SFMBT1: variants seen among roughly 807,000 people sequenced by gnomAD.
SFMBT1 encodes scm-like with four MBT domains protein 1.
Under a neutral mutation model 108.7 loss-of-function variants are expected in SFMBT1, and 32 were observed. The observed-to-expected ratio is 0.29, with a 90% confidence interval of 0.22 to 0.40. SFMBT1 has a LOEUF of 0.40. Ranked by LOEUF, SFMBT1 falls within the 10% of genes least tolerant of loss-of-function variation. The pLI is 1.00. For synonymous variants in SFMBT1, 348 were observed against 369.5 expected (o/e 0.94, Z 0.67); for missense variants, 816 against 1,059.6 (o/e 0.77, Z 3.19).
chr3:52,999,617 C>T (rs1001340107), intron 1 of SFMBT1, among the ~76,000 whole-genome samples: 1 of 150,180 alleles, frequency 6.7e-6, no homozygotes, highest in African/African-American at 2.4e-5. Context: ...TGTCCTTGCC[C>T]CTAACCACTG....
chr3:52,954,334 A>G lies in SFMBT1; in HGVS notation c.106T>C (p.Tyr36His), dbSNP rs1211624316. The G allele has an allele frequency of 6.2e-7, 1 of 1,613,154 alleles. No individual in the cohort carries two copies. The highest frequency in any genetic ancestry group is 8.5e-7 in the Non-Finnish European group (1 of 1,179,394). Residue 36 changes from tyrosine (Y) to histidine (H), a missense_variant, in exon 3 of 21, where the codon TAT becomes CAT. Tyr to His is a moderately conservative substitution (Grantham distance 83). Coordinates refer to ENST00000394752, the MANE Select transcript of SFMBT1 (RefSeq NM_016329.4). ...TTGCTTACATGTTTAAAAGACCCATAGGGAACTGCTGTGGACCCTGTTTCT... is the reference window on the plus strand; with the variant it reads ...TTGCTTACATGTTTAAAAGACCCATGGGGAACTGCTGTGGACCCTGTTTCT... ...LEETGSTAVP[Y>H]GSFKHVDTRL...
chr3:52,960,664 T>A (rs1703931487), intron 2 of SFMBT1, among the ~76,000 whole-genome samples: 2 of 152,166 alleles, frequency 1.3e-5, no homozygotes, highest in Non-Finnish European at 2.9e-5. Context: ...TGTCTGTGTA[T>A]ATACCCAAAA....
intron 14 of SFMBT1, among the ~76,000 whole-genome samples, chr3:52,915,397 T>C (rs1270215702): frequency 6.6e-6 from 1 of 152,186 alleles, no homozygotes; most frequent in Non-Finnish European, 1.5e-5. Flanking sequence ...TATGTACAAA[T>C]GATGTAATGA....
chr3:53,020,829 G>A (rs1699280878), intron 1 of SFMBT1, among the ~76,000 whole-genome samples: 1 of 152,204 alleles, frequency 6.6e-6, no homozygotes, highest in South Asian at 2.1e-4. Context: ...GGCTTAGGCG[G>A]GCGGATCACC....
intron 9 of SFMBT1, among the ~76,000 whole-genome samples, chr3:52,927,640 G>A (rs1041294250): frequency 1.3e-5 from 2 of 152,138 alleles, no homozygotes; most frequent in African/African-American, 4.8e-5. Flanking sequence ...AAGGATCAAA[G>A]ACTATATTTT....
intron 12 of SFMBT1, among the ~76,000 whole-genome samples, chr3:52,919,159 G>A (rs188660831): frequency 7.0e-4 from 106 of 152,004 alleles, no homozygotes; most frequent in African/African-American, 2.4e-3. Flanking sequence ...TAACCCAAAG[G>A]GGATCAAAGA....
intron 1 of SFMBT1, among the ~76,000 whole-genome samples, chr3:52,991,534 G>A (rs1705131595): frequency 6.6e-6 from 1 of 151,812 alleles, no homozygotes; most frequent in Admixed American, 6.6e-5. Context: ...TAGTAGAGAC[G>A]GGTTTCACCA....
In SFMBT1 at chr3:52,956,755, C is replaced by T. The variant is rs373534518; in HGVS notation, c.29-2344G>A. On this transcript the variant is annotated intron_variant, in intron 2 of 20. Coordinates refer to ENST00000394752, the MANE Select transcript of SFMBT1 (RefSeq NM_016329.4). ...CAGGCTGGGCGACAGAGCGAGATTC[C>T]ATCTCAAAAAATCAATAAATAAAAT... is the stretch of plus-strand genomic sequence containing the variant. 3.2e-4 allele frequency among the ~76,000 whole-genome samples: 49 copies of T among 152,144 alleles called. 5 individuals are homozygous for T. Among genetic ancestry groups the T allele is most frequent in the Admixed American group, 2.2e-3 (33 of 15,262 alleles).
chr3:52,987,250 T>C (rs1260521855), intron 1 of SFMBT1, among the ~76,000 whole-genome samples: 2 of 152,110 alleles, frequency 1.3e-5, no homozygotes, highest in African/African-American at 2.4e-5. Flanking sequence ...TACTCTAAAA[T>C]AATGATTTAA....
chr3:53,024,728 T>G (rs1483792926), intron 1 of SFMBT1, among the ~76,000 whole-genome samples: 2 of 152,216 alleles, frequency 1.3e-5, no homozygotes, highest in Non-Finnish European at 2.9e-5. Context: ...AACTCCCATC[T>G]GGGCCTTAAA....
chr3:52,930,861 G>T, intron 7 of SFMBT1, 80 bp downstream of exon 7: 1 of 1,171,976 alleles, frequency 8.5e-7, no homozygotes, highest in Non-Finnish European at 1.3e-6. Flanking sequence ...TGCAGGGGCT[G>T]CTTTACACTT....
intron 4 of SFMBT1, among the ~76,000 whole-genome samples, chr3:52,941,593 CAAAAAAAAAAAAAA>C (rs145581859): frequency 3.1e-5 from 2 of 64,034 alleles, no homozygotes; most frequent in African/African-American, 5.8e-5. Context: ...GACTCTGTTT[CAAAAAAAAAAAAAA>C]AAAAAAAAAA....
At chr3:52,922,823 A>AG (rs1372281761) in intron 10 of SFMBT1, among the ~76,000 whole-genome samples, 1 of 152,222 alleles carries the variant, frequency 6.6e-6, no homozygotes, top group African/African-American at 2.4e-5. Context: ...GGAACTGCTG[A>AG]GGGCATGTAT....
At chr3:52,992,004 A>G (rs546468253) in intron 1 of SFMBT1, among the ~76,000 whole-genome samples, 11 of 152,226 alleles carry the variant, frequency 7.2e-5, no homozygotes, top group African/African-American at 2.4e-4. Context: ...AACACCATCA[A>G]TGACACAGGG....
intron 1 of SFMBT1, among the ~76,000 whole-genome samples, chr3:52,997,055 C>A (rs1211573179): frequency 1.4e-5 from 2 of 147,942 alleles, no homozygotes; most frequent in Non-Finnish European, 1.5e-5. Flanking sequence ...GGCGACTGAG[C>A]GAGACTCAGT....
At chr3:53,033,348 A>G (rs1052666639) in intron 1 of SFMBT1, among the ~76,000 whole-genome samples, 17 of 151,878 alleles carry the variant, frequency 1.1e-4, no homozygotes, top group African/African-American at 4.1e-4. Flanking sequence ...TTTAGTAGAG[A>G]CGGGGTTTCA....
At chr3:52,939,409 A>C (rs1703115753) in intron 4 of SFMBT1, among the ~76,000 whole-genome samples, 1 of 152,048 alleles carries the variant, frequency 6.6e-6, no homozygotes, top group African/African-American at 2.4e-5. Context: ...CCCCCTCTCA[A>C]CTAAAAATAT....
chr3:52,997,305 A>T (rs914382308), intron 1 of SFMBT1, among the ~76,000 whole-genome samples: 1 of 149,772 alleles, frequency 6.7e-6, no homozygotes, highest in Non-Finnish European at 1.5e-5. Context: ...TGGGAGGCCG[A>T]GGGGGGCGGA....
chr3:52,905,125 G>T lies in SFMBT1; in HGVS notation c.*11C>A, dbSNP rs966592876. On this transcript the variant is annotated 3_prime_UTR_variant, in exon 21 of 21. Coordinates refer to ENST00000394752, the MANE Select transcript of SFMBT1 (RefSeq NM_016329.4). ...GTGCTTCAAAGATCCAGCTCACTTT[G>T]GTTGTCCTTCTCAGTTGGCAAACTG... 3.1e-6 allele frequency: 5 copies of T among 1,612,804 alleles called. No individual in the cohort carries two copies. The highest frequency in any genetic ancestry group is 3.4e-6 in the Non-Finnish European group (4 of 1,179,496).
Sources: allele counts gnomAD v4.1 joint callset (sites outside exome capture counted in the v4.1 genomes callset), GRCh38; gene constraint gnomAD v4.1.1; transcripts MANE v1.5; gene names NCBI Gene and HGNC (gene_info 2026-07-23, HGNC 2026-07-21).